RELN: variants seen among roughly 807,000 people sequenced by gnomAD.
RELN encodes reelin.
In RELN, 108 loss-of-function variants were observed where a neutral mutation model predicts 427.6. That is an observed-to-expected ratio of 0.25 (90% CI 0.22 to 0.30). RELN has a LOEUF of 0.30. Ranked by LOEUF, RELN falls within the 10% of genes least tolerant of loss-of-function variation. The pLI is 1.00. For synonymous variants in RELN, 1,524 were observed against 1,513.4 expected, an observed-to-expected ratio of 1.01 and a Z score of -0.16; for missense variants, 3,715 against 4,302.8, an observed-to-expected ratio of 0.86 and a Z score of 3.82.
At chr7:103,902,403 T>C (rs1584349410) in intron 2 of RELN, among the ~76,000 whole-genome samples, 1 of 151,812 alleles carries the variant, frequency 6.6e-6, no homozygotes, top group Non-Finnish European at 1.5e-5. Flanking sequence ...ACTATATTTA[T>C]TTTACTTTTA....
chr7:103,966,397 A>T (rs958144034), intron 1 of RELN, among the ~76,000 whole-genome samples: 6 of 152,208 alleles, frequency 3.9e-5, no homozygotes, highest in Admixed American at 1.3e-4. Flanking sequence ...CATCTTTGAG[A>T]TGTGGAAAGA....
intron 3 of RELN, among the ~76,000 whole-genome samples, chr7:103,819,198 TAA>T (rs549942262): frequency 7.2e-4 from 109 of 152,258 alleles, no homozygotes; most frequent in African/African-American, 2.5e-3. Flanking sequence ...CATTTTAAAA[TAA>T]GTTTTACTGT....
chr7:103,789,302 A>C (rs1792099390), intron 3 of RELN, among the ~76,000 whole-genome samples: 3 of 152,172 alleles, frequency 2.0e-5, no homozygotes, highest in Admixed American at 2.0e-4. Flanking sequence ...TGACTAAAAC[A>C]CCTAAAGCAA....
chr7:103,813,231 A>C (rs1024266030), intron 3 of RELN, among the ~76,000 whole-genome samples: 1 of 152,082 alleles, frequency 6.6e-6, no homozygotes, highest in Non-Finnish European at 1.5e-5. Flanking sequence ...TCCCACCTCC[A>C]TTATATGGTA....
chr7:103,778,739 A>C (rs1791812237), intron 3 of RELN, among the ~76,000 whole-genome samples: 1 of 152,200 alleles, frequency 6.6e-6, no homozygotes, highest in African/African-American at 2.4e-5. Flanking sequence ...AAATCTCATA[A>C]ATTTCTAAAG....
At chr7:103,652,929 A>G (rs1266329587) in intron 13 of RELN, among the ~76,000 whole-genome samples, 170 bp from the exon 14 acceptor site, 1 of 152,064 alleles carries the variant, frequency 6.6e-6, no homozygotes, top group African/African-American at 2.4e-5. Context: ...GCTATCCTCA[A>G]GGAGCATTCG....
chr7:103,894,419 G>A (rs1261057081), intron 2 of RELN, among the ~76,000 whole-genome samples: 1 of 152,122 alleles, frequency 6.6e-6, no homozygotes, highest in Non-Finnish European at 1.5e-5. Context: ...TAAATCTCAA[G>A]CAGTGCATAT....
At chr7:103,846,141 G>T (rs1793671162) in intron 2 of RELN, among the ~76,000 whole-genome samples, 1 of 152,108 alleles carries the variant, frequency 6.6e-6, no homozygotes, top group South Asian at 2.1e-4. Flanking sequence ...TAAGCAAAAA[G>T]AATGAAGCTG....
chr7:103,766,335 C>T (rs2116156535), intron 4 of RELN, among the ~76,000 whole-genome samples: 1 of 152,244 alleles, frequency 6.6e-6, no homozygotes, highest in South Asian at 2.1e-4. Context: ...TGAAATACAT[C>T]AGTATTTATT....
At chr7:103,807,412 A>G (rs1003960656) in intron 3 of RELN, among the ~76,000 whole-genome samples, 1 of 152,118 alleles carries the variant, frequency 6.6e-6, no homozygotes, top group African/African-American at 2.4e-5. Context: ...CTGAAAACAG[A>G]CACTATTTGC....
chr7:103,905,207 C>G (rs1795174212), intron 2 of RELN, among the ~76,000 whole-genome samples: 1 of 151,890 alleles, frequency 6.6e-6, no homozygotes, highest in Non-Finnish European at 1.5e-5. Context: ...TCTCAAACTC[C>G]TGACGAGTGT....
At chr7:103,630,610 A>G (rs1832431386) in intron 19 of RELN, among the ~76,000 whole-genome samples, 1 of 152,214 alleles carries the variant, frequency 6.6e-6, no homozygotes, top group African/African-American at 2.4e-5. Flanking sequence ...GAAAATTAAG[A>G]ATAATATCTA....
intron 4 of RELN, among the ~76,000 whole-genome samples, chr7:103,763,639 A>G (rs1791356742): frequency 6.6e-6 from 1 of 152,228 alleles, no homozygotes; most frequent in Admixed American, 6.5e-5. Context: ...AGGAGTTGGC[A>G]TATATGAGCT....
At chr7:103,856,041 T>G (rs762742432) in intron 2 of RELN, among the ~76,000 whole-genome samples, 4 of 152,212 alleles carry the variant, frequency 2.6e-5, no homozygotes, top group Middle Eastern at 6.8e-3. Context: ...GTGTTCCTAT[T>G]CAGAAAAATA....
intron 2 of RELN, among the ~76,000 whole-genome samples, chr7:103,903,495 T>A (rs537303146): frequency 6.6e-6 from 1 of 152,212 alleles, no homozygotes; most frequent in East Asian, 1.9e-4. Context: ...ATAACAGAAA[T>A]AAAGTTATGC....
At chr7:103,853,151 G>A (rs1275582635) in intron 2 of RELN, among the ~76,000 whole-genome samples, 1 of 151,984 alleles carries the variant, frequency 6.6e-6, no homozygotes, top group African/African-American at 2.4e-5. Flanking sequence ...GGGGAAAATA[G>A]ACAAACTCAG....
At chr7:103,664,399 C>G (rs1204877655) in intron 11 of RELN, among the ~76,000 whole-genome samples, 1 of 152,146 alleles carries the variant, frequency 6.6e-6, no homozygotes, top group African/African-American at 2.4e-5. Context: ...TGCTTTTTCT[C>G]CTTTGTCTCT....
At chr7:103,480,017 C>A (rs1828175503) in intron 63 of RELN, among the ~76,000 whole-genome samples, 1 of 152,098 alleles carries the variant, frequency 6.6e-6, no homozygotes, top group South Asian at 2.1e-4. Flanking sequence ...ATGCCCCAAC[C>A]ATTAGTTGCA....
chr7:103,826,974 A>G (rs539385972), intron 3 of RELN, among the ~76,000 whole-genome samples: 37 of 151,606 alleles, frequency 2.4e-4, no homozygotes, highest in African/African-American at 8.5e-4. Context: ...ATGAAAAGAA[A>G]GGAAGAGGTT....
Sources: gnomAD v4.1 joint callset for allele counts (sites outside exome capture counted in the v4.1 genomes callset) on GRCh38, gnomAD v4.1.1 for gene constraint, MANE v1.5 for transcripts, NCBI Gene and HGNC (gene_info 2026-07-23, HGNC 2026-07-21) for gene names.